Variants in RORB observed in about 807,000 individuals in gnomAD.
The protein encoded by RORB is nuclear receptor ROR-beta.
A neutral mutation model predicts 59.1 loss-of-function variants in RORB; 6 were observed. That is an observed-to-expected ratio of 0.10 (90% CI 0.06 to 0.20). RORB has a LOEUF of 0.20. Ranked by LOEUF, RORB falls within the 10% of genes least tolerant of loss-of-function variation. The pLI is 1.00. For missense variants in RORB, 320 were observed against 560.5 expected, an observed-to-expected ratio of 0.57 and a Z score of 4.33; for synonymous variants, 215 against 204.5, an observed-to-expected ratio of 1.05 and a Z score of -0.44.
At chr9:74,634,599 C>T (rs1221118112) in intron 2 of RORB, 32 bp from the exon 3 acceptor site, 1 of 1,565,004 alleles carries the variant, frequency 6.4e-7, no homozygotes, top group Non-Finnish European at 8.7e-7. Context: ...TCTTATAAAT[C>T]TGTTTCCCTC....
intron 9 of RORB, among the ~76,000 whole-genome samples, chr9:74,677,989 A>G (rs1824473958): frequency 1.3e-5 from 2 of 152,232 alleles, no homozygotes; most frequent in African/African-American, 4.8e-5. Context: ...CAAGTGCCTC[A>G]CTGACTACAA....
intron 1 of RORB, among the ~76,000 whole-genome samples, chr9:74,618,446 T>C (rs1823348445): frequency 6.6e-6 from 1 of 152,202 alleles, no homozygotes; most frequent in Non-Finnish European, 1.5e-5. Flanking sequence ...ACTTTTATTT[T>C]ACCAGGTTTC....
chr9:74,560,958 T>G (rs1020636896), intron 1 of RORB, among the ~76,000 whole-genome samples: 4 of 152,158 alleles, frequency 2.6e-5, no homozygotes, highest in African/African-American at 9.6e-5. Context: ...AGTATGAGAC[T>G]GTAGTCTTAG....
At chr9:74,658,384 C>A (rs1337792627) in intron 4 of RORB, among the ~76,000 whole-genome samples, 1 of 152,190 alleles carries the variant, frequency 6.6e-6, no homozygotes, top group African/African-American at 2.4e-5. Context: ...CCTTAACCTT[C>A]CCACGTATTT....
At chr9:74,558,039 G>C (rs1227971061) in intron 1 of RORB, among the ~76,000 whole-genome samples, 4 of 151,928 alleles carry the variant, frequency 2.6e-5, no homozygotes, top group Non-Finnish European at 4.4e-5. Context: ...CTACCCTCCG[G>C]AGCAAACAAT....
At chr9:74,626,081 C>T (rs1183218188) in intron 1 of RORB, among the ~76,000 whole-genome samples, 2 of 152,008 alleles carry the variant, frequency 1.3e-5, no homozygotes, top group African/African-American at 2.4e-5. Context: ...TTTTGACATG[C>T]AGGAAGAAGT....
intron 1 of RORB, chr9:74,498,216 G>C (rs1380909948): frequency 3.3e-6 from 2 of 598,962 alleles, no homozygotes; most frequent in Non-Finnish European, 6.0e-6. Flanking sequence ...TTTTTGGAGA[G>C]GGGAGACAGG....
intron 3 of RORB, among the ~76,000 whole-genome samples, chr9:74,638,507 G>A (rs937496189): frequency 3.9e-5 from 6 of 152,102 alleles, no homozygotes; most frequent in African/African-American, 1.4e-4. Flanking sequence ...TTTAACAAAA[G>A]GCTGTCTTTA....
intron 3 of RORB, among the ~76,000 whole-genome samples, chr9:74,641,437 G>GAT (rs1181518671): frequency 6.6e-6 from 1 of 152,196 alleles, no homozygotes; most frequent in East Asian, 1.9e-4. Flanking sequence ...AATGAGAAAA[G>GAT]ATAGTTACTG....
At chr9:74,632,427 A>G (rs1823635191) in intron 2 of RORB, among the ~76,000 whole-genome samples, 1 of 152,182 alleles carries the variant, frequency 6.6e-6, no homozygotes, top group African/African-American at 2.4e-5. Flanking sequence ...TTTGATGCCA[A>G]TGTCAGCACA....
chr9:74,584,549 A>G (rs1822769796), intron 1 of RORB, among the ~76,000 whole-genome samples: 1 of 152,198 alleles, frequency 6.6e-6, no homozygotes, highest in African/African-American at 2.4e-5. Flanking sequence ...GGTTCTAAAG[A>G]GCAGTCTGGG....
intron 9 of RORB, 44 bp downstream of exon 9, chr9:74,671,945 C>G: frequency 8.9e-7 from 1 of 1,127,010 alleles, no homozygotes; most frequent in East Asian, 2.4e-5. Context: ...AAAGAGAGCA[C>G]AGTGAGCAAA....
intron 4 of RORB, among the ~76,000 whole-genome samples, chr9:74,648,631 G>A (rs1020082029): frequency 1.3e-5 from 2 of 152,180 alleles, no homozygotes; most frequent in African/African-American, 4.8e-5. Flanking sequence ...TTCACTAAGT[G>A]AAATGACCCA....
At chr9:74,627,567 AG>A (rs1294256322) in intron 1 of RORB, among the ~76,000 whole-genome samples, 1 of 152,134 alleles carries the variant, frequency 6.6e-6, no homozygotes, top group African/African-American at 2.4e-5. Flanking sequence ...GTCACACCCC[AG>A]GGGGCAAATT....
At chr9:74,648,377 C>G (rs1466745418) in intron 4 of RORB, among the ~76,000 whole-genome samples, 1 of 152,192 alleles carries the variant, frequency 6.6e-6, no homozygotes, top group African/African-American at 2.4e-5. Context: ...GTCTCACCAT[C>G]TGAAAAATAA....
chr9:74,593,688 T>A (rs1480059593), intron 1 of RORB, among the ~76,000 whole-genome samples: 2 of 151,856 alleles, frequency 1.3e-5, no homozygotes, highest in Non-Finnish European at 2.9e-5. Flanking sequence ...TGAATTGGAG[T>A]CAATGGAAAA....
chr9:74,629,963 G>C (rs1386973785), intron 1 of RORB, among the ~76,000 whole-genome samples: 6 of 152,178 alleles, frequency 3.9e-5, no homozygotes. Context: ...GGGTTCAAAG[G>C]CTTTTTGAGT....
chr9:74,588,572 T>C (rs906322793), intron 1 of RORB, among the ~76,000 whole-genome samples: 2 of 152,218 alleles, frequency 1.3e-5, no homozygotes, highest in Admixed American at 1.3e-4. Context: ...TTATAGATCA[T>C]CATTCATTAT....
rs1454340457 is a variant in RORB at position 74,570,439 on chromosome 9, A to C, written c.8-59843A>C. On this transcript the variant is annotated intron_variant, in intron 1 of 9. Coordinates refer to ENST00000376896, the MANE Select transcript of RORB (RefSeq NM_006914.4). ...GGAAAAAGTTGGTCTTACAATCACA[A>C]TATGTTTATTTTTTTAACCTTGTAA... 2.6e-5 allele frequency among the ~76,000 whole-genome samples: 4 copies of C among 152,130 alleles called. No homozygotes were observed. In the East Asian group the frequency reaches 7.7e-4, roughly 29 times the overall value.
Sources: allele counts gnomAD v4.1 joint callset (sites outside exome capture counted in the v4.1 genomes callset), GRCh38; gene constraint gnomAD v4.1.1; transcripts MANE v1.5; gene names NCBI Gene and HGNC (gene_info 2026-07-23, HGNC 2026-07-21).